ZFHX3: variants seen among roughly 807,000 people sequenced by gnomAD.
The protein encoded by ZFHX3 is zinc finger homeobox protein 3.
Under a neutral mutation model 279.1 loss-of-function variants are expected in ZFHX3, and 42 were observed. The observed-to-expected ratio is 0.15, with a 90% CI of 0.12 to 0.19. The LOEUF is 0.19. Among genes scored for constraint, ZFHX3 ranks in the 10% least tolerant of loss-of-function variants. The pLI is 1.00. For missense variants in ZFHX3, 4,981 were observed against 4,754.0 expected (o/e 1.05, Z -1.40); for synonymous variants, 2,293 against 1,957.8 (o/e 1.17, Z -4.52).
intron 2 of ZFHX3, among the ~76,000 whole-genome samples, chr16:73,587,852 A>C (rs1014306203): frequency 6.6e-6 from 1 of 152,222 alleles, no homozygotes; most frequent in Non-Finnish European, 1.5e-5. Context: ...CTTTTCAAAA[A>C]AATGCAGAAT....
At chr16:73,861,702 ATGCTAC>A (rs2142390485) in intron 1 of ZFHX3, among the ~76,000 whole-genome samples, 1 of 152,306 alleles carries the variant, frequency 6.6e-6, no homozygotes, top group African/African-American at 2.4e-5. Flanking sequence ...CTGTTAAAAC[ATGCTAC>A]TGCCAGCCGG....
chr16:73,290,422 G>C (rs1289293343), intron 4 of ZFHX3, among the ~76,000 whole-genome samples: 1 of 152,196 alleles, frequency 6.6e-6, no homozygotes, highest in African/African-American at 2.4e-5. Context: ...GAAGAGGGAA[G>C]AGCCTGTGCA....
intron 7 of ZFHX3, among the ~76,000 whole-genome samples, chr16:73,125,974 C>A (rs1018635158): frequency 6.6e-6 from 1 of 151,930 alleles, no homozygotes; most frequent in Non-Finnish European, 1.5e-5. Context: ...GAAATGGAGC[C>A]AGGATTTGAA....
In ZFHX3 at chr16:72,798,181, C is replaced by A. The variant is rs2143463173; in HGVS notation, c.4501G>T (p.Asp1501Tyr). Residue 1501 changes from aspartate (D) to tyrosine (Y), a missense_variant, in exon 9 of 10, where the codon GAT (aspartate) becomes TAT (tyrosine). Physicochemically the swap from Asp to Tyr is radical, Grantham distance 160 (BLOSUM62 -3). Transcript: ENST00000268489. The part of the protein sequence containing the change: ...EDKEEESDLE[D>Y]KQSPTGSDSG... ...TCACTGCCCGTTGGGCTCTGTTTAT[C>A]TTCCAAGTCACTCTCTTCCTCCTTG... 6.2e-7 allele frequency: 1 copy of A among 1,614,222 alleles called. No homozygotes were observed. The highest frequency in any genetic ancestry group is 8.5e-7 in the Non-Finnish European group (1 of 1,180,044).
rs142419921 is a variant in ZFHX3 at position 73,863,129 on chromosome 16, C to T, written c.-1608+28522G>A. On this transcript the variant is annotated intron_variant, in intron 1 of 17. Coordinates refer to the ZFHX3 transcript ENST00000641206. ...GCTGAAGCAGGAGAATGGCTTGAACCCGGGAGGCGGAGGTTGCAGTGAGCG... is the reference window on the plus strand; with the variant it reads ...GCTGAAGCAGGAGAATGGCTTGAACTCGGGAGGCGGAGGTTGCAGTGAGCG... 3.8e-3 allele frequency among the ~76,000 whole-genome samples: 585 copies of T among 152,274 alleles called. 9 individuals carry two copies. The highest frequency in any genetic ancestry group is 0.013 in the African/African-American group (554 of 41,548).
chr16:73,675,404 C>T (rs12919733), intron 2 of ZFHX3, among the ~76,000 whole-genome samples: 137,007 of 152,100 alleles, frequency 0.9, 61,769 homozygotes, highest in East Asian at 0.98. Flanking sequence ...TAAAATCAGA[C>T]ATGGGGTTTA....
chr16:72,840,587 C>G (rs970375928), intron 4 of ZFHX3, among the ~76,000 whole-genome samples: 4 of 152,188 alleles, frequency 2.6e-5, no homozygotes, highest in African/African-American at 9.7e-5. Flanking sequence ...AAAAATAAAA[C>G]CATGACTCCA....
At chr16:73,001,057 T>C (rs1963479377) in intron 1 of ZFHX3, among the ~76,000 whole-genome samples, 1 of 152,210 alleles carries the variant, frequency 6.6e-6, no homozygotes, top group Non-Finnish European at 1.5e-5. Flanking sequence ...AGGGACTCAC[T>C]TCTTACCAAC....
intron 4 of ZFHX3, among the ~76,000 whole-genome samples, chr16:73,282,226 C>T (rs1003983064): frequency 2.6e-5 from 4 of 152,126 alleles, no homozygotes; most frequent in Non-Finnish European, 4.4e-5. Context: ...AGCAATGGTT[C>T]GGCAAAGCCA....
At chr16:73,636,454 A>G (rs1287756816) in intron 2 of ZFHX3, among the ~76,000 whole-genome samples, 1 of 152,216 alleles carries the variant, frequency 6.6e-6, no homozygotes, top group Non-Finnish European at 1.5e-5. Context: ...TATTGGCAAG[A>G]AAGAGGCAAA....
intron 1 of ZFHX3, among the ~76,000 whole-genome samples, chr16:73,842,042 C>T (rs1466865220): frequency 1.3e-5 from 2 of 151,170 alleles, no homozygotes; most frequent in East Asian, 3.9e-4. Flanking sequence ...TGGTGAAACC[C>T]GTCTCTACTT....
intron 2 of ZFHX3, among the ~76,000 whole-genome samples, chr16:73,547,780 G>A (rs1465712561): frequency 1.3e-5 from 2 of 152,136 alleles, no homozygotes; most frequent in East Asian, 1.9e-4. Flanking sequence ...CCAGCTGTGC[G>A]CCTTCCTCAA....
chr16:73,797,471 T>C (rs541870092), intron 1 of ZFHX3, among the ~76,000 whole-genome samples: 4 of 152,314 alleles, frequency 2.6e-5, no homozygotes, highest in Admixed American at 2.6e-4. Flanking sequence ...GTTAAATGTT[T>C]AGGATTGTCA....
At chr16:73,107,909 C>G (rs537093989) in intron 7 of ZFHX3, among the ~76,000 whole-genome samples, 10 of 152,246 alleles carry the variant, frequency 6.6e-5, no homozygotes, top group South Asian at 4.2e-4. Flanking sequence ...TGCCTGTAAT[C>G]CCAGCACTTT....
At chr16:73,060,125 T>A (rs1203096816), upstream of ZFHX3, 1 of 151,532 alleles carries the variant, frequency 6.6e-6, no homozygotes, top group Non-Finnish European at 1.5e-5. Context: ...GAAAAATAAT[T>A]TCAGACTGAA....
At chr16:72,977,672 A>G (rs977350014) in intron 1 of ZFHX3, among the ~76,000 whole-genome samples, 7 of 151,494 alleles carry the variant, frequency 4.6e-5, no homozygotes, top group African/African-American at 1.7e-4. Context: ...CCTGCAGGGG[A>G]CTCAGGGAAA....
chr16:73,297,379 T>C (rs890339849), intron 4 of ZFHX3, among the ~76,000 whole-genome samples: 2 of 151,994 alleles, frequency 1.3e-5, no homozygotes, highest in Admixed American at 6.5e-5. Context: ...TACATGTGTG[T>C]TGAAAAGCAC....
chr16:73,553,417 G>A (rs7185809), intron 2 of ZFHX3, among the ~76,000 whole-genome samples: 29,957 of 151,970 alleles, frequency 0.2, 5,190 homozygotes, highest in African/African-American at 0.47. Flanking sequence ...TGTCATCAGG[G>A]ACTCTAGCCC....
In ZFHX3 at chr16:73,497,627, G is replaced by T. The variant is rs767282199; in HGVS notation, c.-1546-41369C>A. Among the ~76,000 whole-genome samples, 45 of 152,114 alleles carry T rather than the reference G, an allele frequency of 3.0e-4. 1 individual carries two copies. Among genetic ancestry groups the T allele is most frequent in the Non-Finnish European group, 1.3e-4 (9 of 68,022 alleles). On this transcript the variant is annotated intron_variant, in intron 2 of 17. Transcript: ENST00000641206. ...CGAGACTGTAGTGGACAATGTTCAC[G>T]CCACTGCACTCCAGCCTGGGCAACA...
Sources: gnomAD v4.1 joint callset for allele counts (sites outside exome capture counted in the v4.1 genomes callset) on GRCh38, gnomAD v4.1.1 for gene constraint, MANE v1.5 for transcripts, NCBI Gene and HGNC (gene_info 2026-07-23, HGNC 2026-07-21) for gene names.